The following NFU1 variants were observed in gnomAD, a reference collection of about 807,000 sequenced individuals.
NFU1 encodes NFU1 iron-sulfur cluster scaffold.
NFU1 carries 30 observed loss-of-function variants against 32.2 expected under a neutral mutation model. That is an observed-to-expected ratio of 0.93 (90% CI 0.70 to 1.26). The LOEUF (loss-of-function observed/expected upper bound fraction) is 1.26, where lower values mean the gene tolerates loss of function less well. NFU1 is among the 50% of genes most tolerant of loss of function. The pLI is 0.00. For synonymous variants in NFU1, 112 were observed against 104.6 expected, an observed-to-expected ratio of 1.07 and a Z score of -0.43; for missense variants, 306 against 306.6, an observed-to-expected ratio of 1.00 and a Z score of 0.02.
chr2:69,424,198 A>AAATATATATATATAT (rs1558840147), intron 2 of NFU1, among the ~76,000 whole-genome samples: 2 of 74,546 alleles, frequency 2.7e-5, no homozygotes, highest in African/African-American at 5.3e-5. Context: ...AAAAAAAAAA[A>AAATATATATATATAT]ATATATATAT....
At chr2:69,439,493 G>A (rs550859137), upstream of NFU1, among the ~76,000 whole-genome samples, 5 of 152,270 alleles carry the variant, frequency 3.3e-5, no homozygotes, top group African/African-American at 9.6e-5. Context: ...CAAAGAGTGA[G>A]CCACATCAAG....
chr2:69,395,952 A>C (rs1158055360), downstream of NFU1: 3 of 268,858 alleles, frequency 1.1e-5, no homozygotes, highest in East Asian at 1.4e-4. Context: ...AAAAGTAAAT[A>C]AATTAGATGG....
chr2:69,422,985 G>C (rs1261333440), intron 3 of NFU1, among the ~76,000 whole-genome samples: 1 of 150,246 alleles, frequency 6.7e-6, no homozygotes, highest in African/African-American at 2.5e-5. Flanking sequence ...CAACATTTTT[G>C]GGTTTTTTTG....
At chr2:69,433,042 C>G (rs866222827) in intron 1 of NFU1, among the ~76,000 whole-genome samples, 5 of 147,564 alleles carry the variant, frequency 3.4e-5, no homozygotes, top group African/African-American at 1.3e-4. Flanking sequence ...CCCAGCTACT[C>G]GGGAGGCTGA....
At chr2:69,411,076 A>G (rs1672863406) in intron 5 of NFU1, 1 of 152,086 alleles carries the variant, frequency 6.6e-6, no homozygotes, top group Non-Finnish European at 1.5e-5. Flanking sequence ...GACAAAAAAC[A>G]TCTTAGAAAA....
At chr2:69,401,349 A>G (rs569662967) in intron 6 of NFU1, among the ~76,000 whole-genome samples, 1 of 152,334 alleles carries the variant, frequency 6.6e-6, no homozygotes, top group South Asian at 2.1e-4. Flanking sequence ...ACAAATATAA[A>G]TTCTATTTAT....
At chr2:69,414,193 TTAAC>T (rs1415388352) in intron 5 of NFU1, among the ~76,000 whole-genome samples, 6 of 152,304 alleles carry the variant, frequency 3.9e-5, no homozygotes, top group African/African-American at 9.6e-5. Flanking sequence ...AAGGAACAAA[TTAAC>T]TATATCTTAT....
chr2:69,402,853 G>A (rs1212649498), intron 6 of NFU1, among the ~76,000 whole-genome samples: 1 of 151,760 alleles, frequency 6.6e-6, no homozygotes, highest in South Asian at 2.1e-4. Flanking sequence ...AAAGTGCTGG[G>A]ATTACAGGTG....
intron 3 of NFU1, 32 bp from the exon 4 acceptor site, chr2:69,419,636 A>C: frequency 7.8e-7 from 1 of 1,276,470 alleles, no homozygotes; most frequent in Non-Finnish European, 1.1e-6. Flanking sequence ...GAGATATTAA[A>C]ATGCTTGATT....
intron 5 of NFU1, 37 bp from the exon 6 acceptor site, chr2:69,406,119 A>C: frequency 8.0e-7 from 1 of 1,242,734 alleles, no homozygotes; most frequent in Non-Finnish European, 1.2e-6. Context: ...CAAGAGTAGA[A>C]ATTTTATAGC....
chr2:69,401,007 CTAA>C (rs1249404500), intron 6 of NFU1, among the ~76,000 whole-genome samples: 1 of 152,010 alleles, frequency 6.6e-6, no homozygotes, highest in Non-Finnish European at 1.5e-5. Context: ...TTCAAATTTC[CTAA>C]TAATTATTGT....
intron 6 of NFU1, among the ~76,000 whole-genome samples, chr2:69,401,837 A>C (rs1371073628): frequency 1.3e-5 from 2 of 152,114 alleles, no homozygotes; most frequent in Non-Finnish European, 2.9e-5. Context: ...TTGAATATTC[A>C]CAATAACTAA....
chr2:69,428,360 G>A (rs1290017031), intron 2 of NFU1, among the ~76,000 whole-genome samples: 1 of 152,018 alleles, frequency 6.6e-6, no homozygotes, highest in Non-Finnish European at 1.5e-5. Context: ...AGGAGAGGGA[G>A]GTTGCAGTGA....
chr2:69,422,335 T>C (rs539457806), intron 3 of NFU1, among the ~76,000 whole-genome samples: 1 of 152,342 alleles, frequency 6.6e-6, no homozygotes, highest in African/African-American at 2.4e-5. Context: ...TTTTAGACTA[T>C]GGCTGATCTT....
chr2:69,439,044 T>G (rs1350634100), upstream of NFU1, among the ~76,000 whole-genome samples: 2 of 152,016 alleles, frequency 1.3e-5, no homozygotes, highest in Admixed American at 6.5e-5. Context: ...CTCTGATGGA[T>G]TCCTTATCAT....
intron 5 of NFU1, among the ~76,000 whole-genome samples, chr2:69,407,778 T>C (rs1470959287): frequency 6.6e-6 from 1 of 151,622 alleles, no homozygotes; most frequent in African/African-American, 2.4e-5. Context: ...TTTGGGAGGC[T>C]GAGGCAGACG....
intron 3 of NFU1, 113 bp downstream of exon 3, chr2:69,423,469 A>T: frequency 2.8e-6 from 2 of 718,194 alleles, no homozygotes; most frequent in Non-Finnish European, 4.3e-6. Flanking sequence ...TTCTACACTT[A>T]AAAAAAAATG....
chr2:69,431,931 A>G lies in NFU1; in HGVS notation c.137T>C (p.Phe46Ser), dbSNP rs769564137. The part of the protein sequence containing the change: ...PLHQFVQRPL[F>S]PLPAAFYHPV... ...GTGATAAAAGGCTGCAGGTAGTGGGAAAAGTGGTCTTTGTACAAACTGATG... is the reference window on the plus strand; with the variant it reads ...GTGATAAAAGGCTGCAGGTAGTGGGGAAAGTGGTCTTTGTACAAACTGATG... The change falls in exon 2 of 8, where the codon TTC becomes TCC. Residue 46 changes from phenylalanine to serine, a missense_variant. Phe to Ser is a radical substitution (Grantham distance 155, BLOSUM62 -2). Transcript: ENST00000410022. 24 of 1,613,254 alleles carry G rather than the reference A, an allele frequency of 1.5e-5. No individual in the cohort carries two copies. Among genetic ancestry groups the G allele is most frequent in the Non-Finnish European group, 1.8e-5 (21 of 1,179,380 alleles).
At chr2:69,401,939 G>A (rs1672535424) in intron 6 of NFU1, among the ~76,000 whole-genome samples, 1 of 151,548 alleles carries the variant, frequency 6.6e-6, no homozygotes, top group South Asian at 2.1e-4. Flanking sequence ...TGTTGCCCAG[G>A]CTGGAGTGCA....
Sources: allele counts gnomAD v4.1 joint callset (sites outside exome capture counted in the v4.1 genomes callset), GRCh38; gene constraint gnomAD v4.1.1; transcripts MANE v1.5; gene names NCBI Gene and HGNC (gene_info 2026-07-23, HGNC 2026-07-21).